Variants in SLC25A21 observed in about 807,000 individuals in gnomAD.
SLC25A21 encodes the protein mitochondrial 2-oxodicarboxylate carrier.
SLC25A21 carries 47 observed loss-of-function variants against 43.8 expected under a neutral mutation model. That is an observed-to-expected ratio of 1.07 (90% CI 0.85 to 1.37). SLC25A21 has a LOEUF of 1.37. Ranked by LOEUF, SLC25A21 falls within the 40% of genes most tolerant of loss-of-function variation. The probability of loss-of-function intolerance (pLI) is 0.00; values close to 1 mark genes in which losing one functional copy is unlikely to be tolerated. For synonymous variants in SLC25A21, 131 were observed against 121.3 expected (o/e 1.08, Z -0.52); for missense variants, 352 against 350.2 (o/e 1.00, Z -0.04).
chr14:36,882,550 C>A (rs1374327916), intron 1 of SLC25A21, among the ~76,000 whole-genome samples: 3 of 152,054 alleles, frequency 2.0e-5, no homozygotes, highest in Non-Finnish European at 4.4e-5. Context: ...ATGATGAAAT[C>A]TTTGAGAAGA....
chr14:36,751,209 T>C (rs1885696284), intron 3 of SLC25A21, among the ~76,000 whole-genome samples: 1 of 152,226 alleles, frequency 6.6e-6, no homozygotes, highest in Non-Finnish European at 1.5e-5. Flanking sequence ...GTTTTCACTG[T>C]TTAAATGCTA....
At chr14:36,756,574 G>A (rs1348855878) in intron 3 of SLC25A21, among the ~76,000 whole-genome samples, 5 of 152,096 alleles carry the variant, frequency 3.3e-5, no homozygotes, top group Non-Finnish European at 5.9e-5. Flanking sequence ...TTTCTTGATT[G>A]GTCACTGCCT....
At chr14:36,766,413 C>T (rs941491907) in intron 3 of SLC25A21, among the ~76,000 whole-genome samples, 6 of 152,178 alleles carry the variant, frequency 3.9e-5, no homozygotes, top group African/African-American at 1.2e-4. Flanking sequence ...ACATTCCCGT[C>T]AGACTGAAGT....
rs572740831 is a variant in SLC25A21, at chr14:36,699,383, C to T, written c.603+11935G>A. ...GTGGGTCCCTTCTGGGAGGTGTCTC[C>T]CAGTTAGGCTACACAGGGATCAGGG... On this transcript the variant is annotated intron_variant, in intron 7 of 9. Coordinates refer to ENST00000331299, the MANE Select transcript of SLC25A21 (RefSeq NM_030631.4). Among the ~76,000 whole-genome samples the T allele has an allele frequency of 5.0e-4, 76 of 152,288 alleles. 1 individual carries two copies. In the South Asian group the frequency reaches 8.1e-3, roughly 16 times the overall value.
chr14:37,132,546 G>A (rs976638418), intron 1 of SLC25A21, among the ~76,000 whole-genome samples: 4 of 152,090 alleles, frequency 2.6e-5, no homozygotes, highest in South Asian at 4.1e-4. Context: ...AGCTTCTGAC[G>A]CCACTGACTT....
At chr14:37,025,206 T>G (rs974654527) in intron 1 of SLC25A21, among the ~76,000 whole-genome samples, 1 of 152,160 alleles carries the variant, frequency 6.6e-6, no homozygotes, top group Non-Finnish European at 1.5e-5. Context: ...TCGCCAGTTA[T>G]GCATTTTGTG....
chr14:36,692,846 C>G (rs546819016), intron 7 of SLC25A21, among the ~76,000 whole-genome samples: 1 of 152,184 alleles, frequency 6.6e-6, no homozygotes, highest in East Asian at 1.9e-4. Context: ...TCATGTCAGC[C>G]CAAATCACAT....
intron 1 of SLC25A21, among the ~76,000 whole-genome samples, chr14:37,023,971 A>G (rs530337531): frequency 1.3e-5 from 2 of 152,208 alleles, no homozygotes; most frequent in African/African-American, 4.8e-5. Context: ...GGTGTTCCAT[A>G]AATTGATTTC....
rs151098237 is a variant in SLC25A21 at position 36,895,501 on chromosome 14, C to G, written c.71-20497G>C. Among the ~76,000 whole-genome samples the G allele has an allele frequency of 1.9e-3, 290 of 152,252 alleles. 1 individual carries two copies. The highest frequency in any genetic ancestry group is 5.8e-3 in the African/African-American group (242 of 41,524). On this transcript the variant is annotated intron_variant, in intron 1 of 9. Coordinates refer to ENST00000331299, the MANE Select transcript of SLC25A21 (RefSeq NM_030631.4). ...CTTTTCAAAAAACCAGCTCTGGATT[C>G]ACTGATTTTTTGAAGGGTTTTTTGT... is the stretch of plus-strand genomic sequence containing the variant.
intron 1 of SLC25A21, among the ~76,000 whole-genome samples, chr14:37,024,121 A>G (rs1308512761): frequency 2.0e-5 from 3 of 152,124 alleles, no homozygotes; most frequent in African/African-American, 7.2e-5. Context: ...GGACAAAATG[A>G]GTAAGCAAAA....
intron 1 of SLC25A21, among the ~76,000 whole-genome samples, chr14:37,108,736 T>C (rs1001176564): frequency 1.8e-4 from 27 of 146,600 alleles, no homozygotes; most frequent in African/African-American, 7.0e-4. Context: ...TGTGTGTGTG[T>C]GTGCGTGTGT....
chr14:36,830,083 TAA>T (rs1458480565), intron 2 of SLC25A21, among the ~76,000 whole-genome samples: 2 of 152,102 alleles, frequency 1.3e-5, no homozygotes, highest in Non-Finnish European at 2.9e-5. Context: ...GTAAAAACAA[TAA>T]GAGAGAAACC....
intron 1 of SLC25A21, among the ~76,000 whole-genome samples, chr14:37,017,331 A>G (rs1960878822): frequency 6.6e-6 from 1 of 152,046 alleles, no homozygotes; most frequent in African/African-American, 2.4e-5. Flanking sequence ...AGGCAGGCCC[A>G]AGGAGAGGTA....
chr14:36,976,003 G>C (rs556544389), intron 1 of SLC25A21, among the ~76,000 whole-genome samples: 1 of 152,326 alleles, frequency 6.6e-6, no homozygotes, highest in Admixed American at 6.5e-5. Flanking sequence ...CAACACCTCA[G>C]ACATGGGAAT....
rs1449885544 is a variant in SLC25A21 at position 37,103,291 on chromosome 14, C to G, written c.70+68990G>C. ...TTTAGAGGGATTACACTAAATTACA[C>G]ACAGATGAGGTTTCTGATGCCTGGC... On this transcript the variant is annotated intron_variant, in intron 1 of 9. Transcript: ENST00000331299. Among the ~76,000 whole-genome samples, 3 of 152,140 alleles carry G rather than the reference C, an allele frequency of 2.0e-5. No individual in the cohort carries two copies. In the East Asian group the frequency reaches 5.8e-4, roughly 29 times the overall value.
chr14:36,711,724 T>G (rs1211342580), intron 6 of SLC25A21, among the ~76,000 whole-genome samples: 1 of 152,200 alleles, frequency 6.6e-6, no homozygotes, highest in Non-Finnish European at 1.5e-5. Context: ...TTTGATAGGA[T>G]TAGTGAAACT....
At chr14:37,019,444 A>C (rs1379839004) in intron 1 of SLC25A21, among the ~76,000 whole-genome samples, 1 of 151,824 alleles carries the variant, frequency 6.6e-6, no homozygotes, top group Non-Finnish European at 1.5e-5. Flanking sequence ...ATCACAAGTG[A>C]AATAGTTTAC....
chr14:36,796,340 A>G (rs1317417971), intron 3 of SLC25A21, among the ~76,000 whole-genome samples: 1 of 148,686 alleles, frequency 6.7e-6, no homozygotes, highest in African/African-American at 2.6e-5. Context: ...TAAAAAAGAC[A>G]GTATGGTAAT....
At chr14:36,886,037 T>C (rs1380870490) in intron 1 of SLC25A21, among the ~76,000 whole-genome samples, 2 of 152,204 alleles carry the variant, frequency 1.3e-5, no homozygotes. Flanking sequence ...AAGGGAACCA[T>C]AGAGGAATGA....
Sources: allele counts gnomAD v4.1 joint callset (sites outside exome capture counted in the v4.1 genomes callset), GRCh38; gene constraint gnomAD v4.1.1; transcripts MANE v1.5; gene names NCBI Gene and HGNC (gene_info 2026-07-23, HGNC 2026-07-21).